The following TAFA1 variants were observed in gnomAD, a reference collection of about 807,000 sequenced individuals.
TAFA1 encodes TAFA chemokine like family member 1.
TAFA1 carries 4 observed loss-of-function variants against 18.5 expected under a neutral mutation model. The ratio of observed to expected loss-of-function variants is 0.22; its 90% CI spans 0.11 to 0.49. TAFA1 has a LOEUF of 0.49. Among genes scored for constraint, TAFA1 ranks in the 20% least tolerant of loss-of-function variants. TAFA1 has a pLI of 0.98. For missense variants in TAFA1, 147 were observed against 169.0 expected (o/e 0.87, Z 0.72); for synonymous variants, 56 against 55.2 (o/e 1.01, Z -0.06).
rs139201833 is a variant in TAFA1, at chr3:68,471,435, G to C, written c.259+54015G>C. ...AGCCACAGACACTCAACATCAGTCT[G>C]TGAAAGCATCCAGGAGGGAGCTGCA... On this transcript the variant is annotated intron_variant, in intron 3 of 4. Coordinates refer to ENST00000478136, the MANE Select transcript of TAFA1 (RefSeq NM_213609.4). 6.7e-3 allele frequency among the ~76,000 whole-genome samples: 1,024 copies of C among 152,316 alleles called. 8 individuals are homozygous for C. Among genetic ancestry groups the C allele is most frequent in the Admixed American group, 0.01 (153 of 15,298 alleles).
At chr3:68,167,689 A>G (rs906908175) in intron 2 of TAFA1, among the ~76,000 whole-genome samples, 2 of 152,118 alleles carry the variant, frequency 1.3e-5, no homozygotes, top group Non-Finnish European at 2.9e-5. Flanking sequence ...AGGAATCTGC[A>G]TTTTTAACAA....
chr3:68,199,875 A>G (rs1030890628), intron 2 of TAFA1, among the ~76,000 whole-genome samples: 9 of 151,498 alleles, frequency 5.9e-5, no homozygotes, highest in African/African-American at 2.2e-4. Flanking sequence ...TCCAGTATGA[A>G]CATTGAAAAG....
intron 2 of TAFA1, among the ~76,000 whole-genome samples, chr3:68,079,271 A>G (rs1002379584): frequency 3.3e-5 from 5 of 152,074 alleles, no homozygotes; most frequent in Non-Finnish European, 7.4e-5. Flanking sequence ...CAGCTCCTGG[A>G]TTCATTGATT....
chr3:68,507,307 A>G (rs1194669864), intron 3 of TAFA1, among the ~76,000 whole-genome samples: 2 of 152,184 alleles, frequency 1.3e-5, no homozygotes, highest in Non-Finnish European at 2.9e-5. Context: ...ATGGAGAACC[A>G]TGATGAGACA....
intron 2 of TAFA1, among the ~76,000 whole-genome samples, chr3:68,029,483 C>T (rs1466483966): frequency 6.6e-6 from 1 of 151,980 alleles, no homozygotes; most frequent in African/African-American, 2.4e-5. Context: ...TAAAACTGTT[C>T]CAGTAAGTAA....
chr3:68,137,179 A>G (rs1042308610), intron 2 of TAFA1, among the ~76,000 whole-genome samples: 2 of 152,162 alleles, frequency 1.3e-5, no homozygotes, highest in Admixed American at 6.5e-5. Flanking sequence ...AAACAGAAAA[A>G]CAAAGCAAAA....
chr3:68,071,962 C>T (rs1261664304), intron 2 of TAFA1, among the ~76,000 whole-genome samples: 2 of 152,072 alleles, frequency 1.3e-5, no homozygotes, highest in African/African-American at 4.8e-5. Context: ...TTAGGAATTA[C>T]AATTAGACAT....
chr3:68,265,402 C>A (rs780894851), intron 2 of TAFA1, among the ~76,000 whole-genome samples: 2 of 152,170 alleles, frequency 1.3e-5, no homozygotes, highest in Non-Finnish European at 2.9e-5. Context: ...TCAGGGTCAC[C>A]TCATTCATTC....
chr3:68,078,497 T>C (rs1293412792), intron 2 of TAFA1, among the ~76,000 whole-genome samples: 2 of 152,164 alleles, frequency 1.3e-5, no homozygotes, highest in Non-Finnish European at 2.9e-5. Flanking sequence ...CAATACCTAA[T>C]TTATTGAGAG....
At chr3:68,524,730 G>A (rs1045077040) in intron 3 of TAFA1, among the ~76,000 whole-genome samples, 1 of 151,914 alleles carries the variant, frequency 6.6e-6, no homozygotes, top group Non-Finnish European at 1.5e-5. Flanking sequence ...GAGTGCAGTG[G>A]TGCGATCTCG....
chr3:68,257,914 C>T (rs1041915606), intron 2 of TAFA1, among the ~76,000 whole-genome samples: 1 of 152,108 alleles, frequency 6.6e-6, no homozygotes, highest in Non-Finnish European at 1.5e-5. Context: ...AAATTCATAA[C>T]CCCAGCCTAA....
intron 2 of TAFA1, among the ~76,000 whole-genome samples, chr3:68,337,027 G>C (rs1217739378): frequency 2.0e-5 from 3 of 152,156 alleles, no homozygotes; most frequent in Non-Finnish European, 4.4e-5. Context: ...CCGGCCTAAT[G>C]TTTGACAATT....
intron 2 of TAFA1, among the ~76,000 whole-genome samples, chr3:68,277,621 G>T (rs1258964251): frequency 1.3e-5 from 2 of 152,132 alleles, no homozygotes; most frequent in Admixed American, 1.3e-4. Context: ...TGGACCCCAA[G>T]ATGCAAAAGA....
At chr3:68,196,139 A>T (rs1021328171) in intron 2 of TAFA1, among the ~76,000 whole-genome samples, 46 of 151,882 alleles carry the variant, frequency 3.0e-4, no homozygotes, top group African/African-American at 1.1e-3. Context: ...TCAGGGTCCT[A>T]GTTCTGCCCT....
chr3:68,468,555 A>G (rs1413131808), intron 3 of TAFA1, among the ~76,000 whole-genome samples: 1 of 152,228 alleles, frequency 6.6e-6, no homozygotes, highest in Non-Finnish European at 1.5e-5. Context: ...GGCCAAGAAA[A>G]GAAGACAGAG....
intron 2 of TAFA1, among the ~76,000 whole-genome samples, chr3:68,029,100 G>A (rs1251345500): frequency 6.6e-6 from 1 of 152,000 alleles, no homozygotes; most frequent in Non-Finnish European, 1.5e-5. Context: ...AGGCCACCTA[G>A]ATAATCAAGG....
chr3:68,079,101 A>G (rs549317219), intron 2 of TAFA1, among the ~76,000 whole-genome samples: 126 of 152,182 alleles, frequency 8.3e-4, no homozygotes, highest in African/African-American at 2.9e-3. Context: ...ATCTGCATAG[A>G]GGTGTTTGTA....
chr3:68,227,413 G>T (rs1345042193), intron 2 of TAFA1, among the ~76,000 whole-genome samples: 1 of 152,182 alleles, frequency 6.6e-6, no homozygotes, highest in Non-Finnish European at 1.5e-5. Context: ...AGGGAATCAA[G>T]ACAGATTAGA....
At chr3:68,511,764 A>G (rs1226230369) in intron 3 of TAFA1, among the ~76,000 whole-genome samples, 1 of 152,088 alleles carries the variant, frequency 6.6e-6, no homozygotes, top group East Asian at 1.9e-4. Context: ...AACTGTCAAC[A>G]TCATTTACTT....
Sources: allele counts gnomAD v4.1 joint callset (sites outside exome capture counted in the v4.1 genomes callset), GRCh38; gene constraint gnomAD v4.1.1; transcripts MANE v1.5; gene names NCBI Gene and HGNC (gene_info 2026-07-23, HGNC 2026-07-21).